The following THADA variants were observed in gnomAD, a reference collection of about 807,000 sequenced individuals.
The protein encoded by THADA is THADA armadillo repeat containing, also known as tRNA (32-2'-O)-methyltransferase regulator THADA.
Under a neutral mutation model 219.8 loss-of-function variants are expected in THADA, and 213 were observed. That is an observed-to-expected ratio of 0.97 (90% CI 0.87 to 1.09). The LOEUF (loss-of-function observed/expected upper bound fraction) is 1.09. Ranked by LOEUF, THADA falls within the 50% of genes least tolerant of loss-of-function variation. The probability of loss-of-function intolerance (pLI) is 0.00; values close to 1 mark genes in which losing one functional copy is unlikely to be tolerated. For synonymous variants in THADA, 1,018 were observed against 828.9 expected, an observed-to-expected ratio of 1.23 and a Z score of -3.92; for missense variants, 2,956 against 2,311.3, an observed-to-expected ratio of 1.28 and a Z score of -5.72.
chr2:43,358,399 A>C (rs1007558034), intron 29 of THADA, among the ~76,000 whole-genome samples: 3 of 151,762 alleles, frequency 2.0e-5, no homozygotes, highest in Non-Finnish European at 4.4e-5. Flanking sequence ...TCCTCCTTTG[A>C]CTTTTCAGTT....
chr2:43,316,298 C>T (rs1678071681), intron 31 of THADA, among the ~76,000 whole-genome samples: 2 of 152,150 alleles, frequency 1.3e-5, no homozygotes, highest in South Asian at 2.1e-4. Context: ...TCCTTCATTG[C>T]ACCTACTTAT....
chr2:43,567,733 T>C (rs978797799), intron 14 of THADA, among the ~76,000 whole-genome samples: 2 of 152,240 alleles, frequency 1.3e-5, no homozygotes, highest in African/African-American at 2.4e-5. Context: ...CCACAATATA[T>C]GCAGGGACCA....
intron 16 of THADA, among the ~76,000 whole-genome samples, chr2:43,559,512 C>T (rs1251126632): frequency 6.6e-6 from 1 of 152,168 alleles, no homozygotes; most frequent in Non-Finnish European, 1.5e-5. Flanking sequence ...TAATAGAAAG[C>T]CATAGCTAAG....
chr2:43,250,110 G>A (rs1262766330), intron 36 of THADA, among the ~76,000 whole-genome samples: 1 of 152,182 alleles, frequency 6.6e-6, no homozygotes, highest in Non-Finnish European at 1.5e-5. Context: ...GAATGTTCAT[G>A]CAGCACTATT....
At chr2:43,577,988 T>A (rs1700033868) in intron 9 of THADA, among the ~76,000 whole-genome samples, 1 of 152,160 alleles carries the variant, frequency 6.6e-6, no homozygotes, top group Non-Finnish European at 1.5e-5. Flanking sequence ...TTATAGTGAT[T>A]ATCTTTGTGA....
At chr2:43,307,539 C>G (rs1190427734) in intron 31 of THADA, among the ~76,000 whole-genome samples, 1 of 152,202 alleles carries the variant, frequency 6.6e-6, no homozygotes, top group Non-Finnish European at 1.5e-5. Flanking sequence ...GTTCTCTCAC[C>G]CAGAGTAGAG....
At chr2:43,282,339 GA>G (rs1673459480) in intron 35 of THADA, among the ~76,000 whole-genome samples, 1 of 152,134 alleles carries the variant, frequency 6.6e-6, no homozygotes, top group South Asian at 2.1e-4. Flanking sequence ...TCACTAAGAA[GA>G]AAAAAGTTAA....
intron 36 of THADA, 64 bp from the exon 37 acceptor site, chr2:43,232,946 G>A: frequency 1.3e-6 from 2 of 1,502,940 alleles, no homozygotes; most frequent in Non-Finnish European, 1.8e-6. Context: ...AGGGCAGCCT[G>A]CAGGACCCTG....
intron 31 of THADA, among the ~76,000 whole-genome samples, chr2:43,295,050 G>A (rs113300554): frequency 1.3e-5 from 2 of 152,280 alleles, no homozygotes; most frequent in African/African-American, 4.8e-5. Flanking sequence ...CTTGAGCCCA[G>A]GAGTTTGAGA....
chr2:43,313,761 G>A (rs1462033637), intron 31 of THADA, among the ~76,000 whole-genome samples: 2 of 152,252 alleles, frequency 1.3e-5, no homozygotes, highest in African/African-American at 4.8e-5. Context: ...CTGCAGCAGG[G>A]ACAGAAGCCT....
intron 21 of THADA, among the ~76,000 whole-genome samples, chr2:43,540,290 C>T (rs530007645): frequency 1.3e-5 from 2 of 152,288 alleles, no homozygotes; most frequent in South Asian, 4.1e-4. Context: ...CATCTCAAGG[C>T]CTTGCAACAT....
chr2:43,521,008 A>G (rs1180148722), intron 22 of THADA, among the ~76,000 whole-genome samples: 3 of 94,388 alleles, frequency 3.2e-5, no homozygotes, highest in African/African-American at 1.4e-4. Flanking sequence ...AAAGGGAGGG[A>G]AGGGAGGGAA....
intron 25 of THADA, among the ~76,000 whole-genome samples, chr2:43,492,549 A>G (rs1417762279): frequency 6.6e-6 from 1 of 152,106 alleles, no homozygotes; most frequent in African/African-American, 2.4e-5. Flanking sequence ...TATCCTTAAT[A>G]GGCAGTCAAT....
At chr2:43,441,233 T>G (rs967212424) in intron 26 of THADA, among the ~76,000 whole-genome samples, 6 of 152,160 alleles carry the variant, frequency 3.9e-5, no homozygotes, top group African/African-American at 1.4e-4. Context: ...GAAGTGTCCT[T>G]CTAACATTCT....
At chr2:43,489,709 C>T (rs1478673909) in intron 25 of THADA, among the ~76,000 whole-genome samples, 1 of 152,002 alleles carries the variant, frequency 6.6e-6, no homozygotes, top group Non-Finnish European at 1.5e-5. Context: ...TCCTAATCTG[C>T]TGATTTATGT....
rs35414545 is a variant in THADA at position 43,261,636 on chromosome 2, AT to A, written c.5296+18128del. ...CCACTAATGCCTGGCTATTGTTTTG[AT>A]TTTTTTTTTTTTTTTTGAGATGGAG... is the stretch of plus-strand genomic sequence containing the variant. On this transcript the variant is annotated intron_variant, in intron 36 of 37. Transcript: ENST00000405975. Among the ~76,000 whole-genome samples, 1,009 of 116,074 alleles carry A rather than the reference AT, an allele frequency of 8.7e-3. 2 individuals are homozygous for A. The highest frequency in any genetic ancestry group is 0.018 in the African/African-American group (541 of 30,738). 76.1% of individuals were successfully genotyped at this position (116,074 alleles called of 152,430 possible).
At chr2:43,444,262 C>G (rs1681231932) in intron 26 of THADA, among the ~76,000 whole-genome samples, 1 of 152,172 alleles carries the variant, frequency 6.6e-6, no homozygotes, top group African/African-American at 2.4e-5. Flanking sequence ...GGTTCCATAT[C>G]AATCTGAAGC....
chr2:43,245,032 C>G (rs1433567082), intron 36 of THADA, among the ~76,000 whole-genome samples: 2 of 152,226 alleles, frequency 1.3e-5, no homozygotes, highest in Admixed American at 1.3e-4. Flanking sequence ...TCTGCCTGGG[C>G]AGAGTTCACC....
chr2:43,322,536 A>C (rs1678844566), intron 30 of THADA, among the ~76,000 whole-genome samples: 1 of 143,564 alleles, frequency 7.0e-6, no homozygotes, highest in Non-Finnish European at 1.5e-5. Flanking sequence ...AACACATGCA[A>C]AAATAATTGA....
Sources: allele counts gnomAD v4.1 joint callset (sites outside exome capture counted in the v4.1 genomes callset), GRCh38; gene constraint gnomAD v4.1.1; transcripts MANE v1.5; gene names NCBI Gene and HGNC (gene_info 2026-07-23, HGNC 2026-07-21).